SNX12: variants seen among roughly 807,000 people sequenced by gnomAD.
SNX12 encodes the protein sorting nexin-12.
For missense variants in SNX12, 62 were observed against 141.3 expected (o/e 0.44, Z 2.84); for synonymous variants, 47 against 56.0 (o/e 0.84, Z 0.71).
upstream of SNX12, chrX:71,073,138 C>CT (rs1020065179): frequency 1.8e-5 from 2 of 110,862 alleles, no homozygotes; most frequent in African/African-American, 6.6e-5. Flanking sequence ...GCACTTTCCT[C>CT]TCTATTGCGT....
At chrX:71,070,442 G>A (rs141675550), upstream of SNX12, among the ~76,000 whole-genome samples, 1,776 of 111,608 alleles carry the variant, frequency 0.016, 34 homozygotes, top group African/African-American at 0.056. Context: ...GCTTAAATGT[G>A]TGACCCATGA....
At chrX:71,068,347 G>A (rs2147708011), upstream of SNX12, 3 of 1,110,312 alleles carry the variant, frequency 2.7e-6, no homozygotes, top group Non-Finnish European at 3.6e-6. Context: ...AGGGGGTGGG[G>A]GACAGAGGCC....
At chrX:71,068,425 GCGCACGCGCGCCCACGCA>G (rs1454878889), upstream of SNX12, 2 of 578,393 alleles carry the variant, frequency 3.5e-6, no homozygotes, top group Non-Finnish European at 2.5e-6. Flanking sequence ...CGGCGGCGGC[GCGCACGCGCGCCCACGCA>G]CGCACGCGCA....
intron 2 of SNX12, among the ~76,000 whole-genome samples, chrX:71,062,563 G>A (rs1452635282): frequency 3.6e-5 from 4 of 109,816 alleles, no homozygotes; most frequent in Non-Finnish European, 7.6e-5. Flanking sequence ...AGTACAGGCG[G>A]GGTTTCACCA....
At position 71,061,976 on chromosome X, in the gene SNX12, AC is replaced by A. The variant is rs2092133020; in HGVS notation, c.262-10del. The A allele has an allele frequency of 3.4e-6, 4 of 1,186,019 alleles. No homozygotes were observed. Among genetic ancestry groups the A allele is most frequent in the Non-Finnish European group, 3.4e-6 (3 of 886,894 alleles). On this transcript the variant is annotated splice_polypyrimidine_tract_variant and intron_variant, in intron 2 of 3. Transcript: ENST00000374274. ...AGTGGTGGTACTACAATCTGCAGGC[AC>A]ACACAAAATTCCAGCCACATGGGAG... is the stretch of plus-strand genomic sequence containing the variant.
upstream of SNX12, among the ~76,000 whole-genome samples, chrX:71,071,959 G>A (rs2092175309): frequency 9.1e-6 from 1 of 109,402 alleles, no homozygotes; most frequent in South Asian, 3.7e-4. Context: ...GGCAGGCACA[G>A]AAAAGAACAG....
At chrX:71,065,965 C>T (rs919453617) in intron 1 of SNX12, among the ~76,000 whole-genome samples, 2 of 103,602 alleles carry the variant, frequency 1.9e-5, no homozygotes, top group African/African-American at 3.6e-5. Context: ...GGTGACAGAG[C>T]GAGACTCTGT....
Position 71,062,494 on chromosome X carries a change from T to A in SNX12, c.261+360A>T, listed in dbSNP as rs922663315. On this transcript the variant is annotated intron_variant, in intron 2 of 3. Transcript: ENST00000374274. ...TTCAAGCAATTCCCATGCCTCAGCC[T>A]CCCAAGTAGCTGGGATTACAGGCAT... is the stretch of plus-strand genomic sequence containing the variant. 3.4e-4 allele frequency among the ~76,000 whole-genome samples: 36 copies of A among 104,382 alleles called. 1 individual carries two copies. Among genetic ancestry groups the A allele is most frequent in the Admixed American group, 3.4e-3 (32 of 9,468 alleles). The allele number at this position is 104,382 out of a possible 115,157, so 90.6% of individuals were successfully genotyped here. A position where few individuals can be genotyped will look rare whatever the true frequency, so the allele number is the denominator to read the frequency against.
At chrX:71,069,968 AAGAG>A (rs57691567), upstream of SNX12, among the ~76,000 whole-genome samples, 5,497 of 96,252 alleles carry the variant, frequency 0.057, 349 homozygotes, top group African/African-American at 0.19. Context: ...AGGAAAAGAA[AAGAG>A]AGAGAGAGAG....
intron 1 of SNX12, 117 bp downstream of exon 1, chrX:71,068,025 C>T: frequency 1.5e-6 from 1 of 659,784 alleles, no homozygotes; most frequent in South Asian, 3.1e-5. Context: ...CCCTAACCCC[C>T]AAATGACCCC....
chrX:71,068,376 G>T, upstream of SNX12: 2 of 921,818 alleles, frequency 2.2e-6, no homozygotes, highest in South Asian at 2.6e-5. Flanking sequence ...GAGCGCGCAC[G>T]GCCCCTCCCG....
At position 71,061,980 on chromosome X, in the gene SNX12, A is replaced by G; in HGVS notation, c.262-13T>C. 1 of 1,185,697 alleles carries G rather than the reference A, an allele frequency of 8.4e-7. No homozygotes were observed. The highest frequency in any genetic ancestry group is 1.1e-6 in the Non-Finnish European group (1 of 885,862). On this transcript the variant is annotated splice_polypyrimidine_tract_variant and intron_variant, in intron 2 of 3. Transcript: ENST00000374274. Reference sequence around the variant, plus strand: ...GTGGTACTACAATCTGCAGGCACACACAAAATTCCAGCCACATGGGAGAGA... The same window carrying G: ...GTGGTACTACAATCTGCAGGCACACGCAAAATTCCAGCCACATGGGAGAGA...
chrX:71,062,100 T>A, intron 2 of SNX12, 133 bp from the exon 3 acceptor site: 1 of 525,877 alleles, frequency 1.9e-6, no homozygotes, highest in Non-Finnish European at 2.9e-6. Flanking sequence ...TTGCAAGAAC[T>A]AAGACCATAA....
chrX:71,061,908 A>C lies in SNX12; in HGVS notation c.321T>G (p.Asp107Glu). ...TGAAAGACTCCTCAAAGATCCCTTC[A>C]TCTCCTCGGAAAGGGAGCTGCCGCT... ...ALKRQLPFRG[D>E]EGIFEESFIE... Residue 107 changes from aspartate to glutamate, a missense_variant, in exon 3 of 4, where the codon GAT becomes GAG. Physicochemically the swap from Asp to Glu is conservative, Grantham distance 45. Transcript: ENST00000374274. 8.3e-7 allele frequency: 1 copy of C among 1,203,698 alleles called. No individual in the cohort carries two copies. Among genetic ancestry groups the C allele is most frequent in the Non-Finnish European group, 1.1e-6 (1 of 890,453 alleles).
Position 71,068,330 on chromosome X carries a change from C to G in SNX12, c.-24G>C, listed in dbSNP as rs765256253. 10 of 1,168,336 alleles carry G rather than the reference C, an allele frequency of 8.6e-6. No individual in the cohort carries two copies. In the African/African-American group the frequency reaches 1.4e-4, roughly 17 times the overall value. On this transcript the variant is annotated 5_prime_UTR_variant, in exon 1 of 4. Coordinates refer to ENST00000374274, the MANE Select transcript of SNX12 (RefSeq NM_013346.4). Reference sequence around the variant, plus strand: ...ATCTTTCCGAAGGAGAGCCTGGGACCGGGGAAAGGGGGTGGGGGACAGAGG... The same window carrying G: ...ATCTTTCCGAAGGAGAGCCTGGGACGGGGGAAAGGGGGTGGGGGACAGAGG...
Position 71,060,882 on chromosome X carries a change from G to T in SNX12, c.*134C>A. 2.2e-6 allele frequency: 1 copy of T among 449,908 alleles called. No individual in the cohort carries two copies. The highest frequency in any genetic ancestry group is 4.0e-6 in the Non-Finnish European group (1 of 252,633). The allele number at this position is 449,908 out of a possible 1,213,427, so 37.1% of individuals were successfully genotyped here. On this transcript the variant is annotated 3_prime_UTR_variant, in exon 4 of 4. Transcript: ENST00000374274. ...GCCCACATGGTGTAGTCAGGTACCA[G>T]GGAGCACAATGCCAGACAGTCTATC...
chrX:71,061,799 C>T (rs1269245466), intron 3 of SNX12, 44 bp downstream of exon 3: 23 of 1,156,230 alleles, frequency 2.0e-5, no homozygotes, highest in East Asian at 3.0e-5. Flanking sequence ...AGAAAGACTA[C>T]GATGGCAAAA....
intron 3 of SNX12, 135 bp from the exon 4 acceptor site, chrX:71,061,253 C>T (rs2092130166): frequency 2.1e-6 from 1 of 481,392 alleles, no homozygotes; most frequent in Non-Finnish European, 3.6e-6. Flanking sequence ...CAGTAGGGTA[C>T]CACCTCAACC....
Position 71,060,666 on chromosome X carries a change from G to C in SNX12, c.*350C>G, listed in dbSNP as rs1352628830. On this transcript the variant is annotated 3_prime_UTR_variant, in exon 4 of 4. Coordinates refer to ENST00000374274, the MANE Select transcript of SNX12 (RefSeq NM_013346.4). ...GTAAGAAAAATCCCCTGAACTTGCA[G>C]CATCAGTATGTATCCAAGTGCCTCA... is the stretch of plus-strand genomic sequence containing the variant. 5.2e-6 allele frequency: 1 copy of C among 193,154 alleles called. No individual in the cohort carries two copies. The highest frequency in any genetic ancestry group is 9.5e-6 in the Non-Finnish European group (1 of 105,273). The allele number at this position is 193,154 out of a possible 1,213,427, so 15.9% of individuals were successfully genotyped here.
Sources: gnomAD v4.1 joint callset for allele counts (sites outside exome capture counted in the v4.1 genomes callset) on GRCh38, gnomAD v4.1.1 for gene constraint, MANE v1.5 for transcripts, NCBI Gene and HGNC (gene_info 2026-07-23, HGNC 2026-07-21) for gene names.